Variants in RPS6KC1 observed in about 807,000 individuals in gnomAD.
RPS6KC1 encodes inactive ribosomal protein S6 kinase delta-1.
Under a neutral mutation model 103.8 loss-of-function variants are expected in RPS6KC1, and 54 were observed. The ratio of observed to expected loss-of-function variants is 0.52; its 90% CI spans 0.42 to 0.65. The LOEUF (loss-of-function observed/expected upper bound fraction) is 0.65, where lower values mean the gene tolerates loss of function less well. Among genes scored for constraint, RPS6KC1 ranks in the 30% least tolerant of loss-of-function variants. The pLI, the probability that RPS6KC1 is intolerant of heterozygous loss-of-function variation, is 0.00. For missense variants in RPS6KC1, 1,151 were observed against 1,253.8 expected (o/e 0.92, Z 1.24); for synonymous variants, 439 against 438.7 (o/e 1.00, Z -0.01).
chr1:213,430,357 T>C, the RPS6KC1 span, among the ~76,000 whole-genome samples: 4 of 152,218 alleles, frequency 2.6e-5, no homozygotes, highest in Non-Finnish European at 5.9e-5. Context: ...AGGTAGTTTT[T>C]CTTCAGGGTG....
the RPS6KC1 span, among the ~76,000 whole-genome samples, chr1:213,555,927 G>A: frequency 6.6e-6 from 1 of 152,108 alleles, no homozygotes. Flanking sequence ...CACCTCTGTG[G>A]CCAGAATGGG....
the RPS6KC1 span, among the ~76,000 whole-genome samples, chr1:213,437,332 T>G: frequency 2.9e-3 from 446 of 152,238 alleles, 2 homozygotes; most frequent in African/African-American, 0.01. Context: ...GTTCAAATTC[T>G]AAATTAACAC....
chr1:213,299,551 CAA>C, the RPS6KC1 span, among the ~76,000 whole-genome samples: 168 of 105,238 alleles, frequency 1.6e-3, 1 homozygote, highest in Middle Eastern at 6.2e-3. Flanking sequence ...GACTCCATCT[CAA>C]AAAAAAAAAA....
chr1:213,242,635 T>C lies in RPS6KC1; in HGVS notation c.2888T>C (p.Ile963Thr). The C allele has an allele frequency of 6.3e-7, 1 of 1,596,000 alleles. No homozygotes were observed. The highest frequency in any genetic ancestry group is 8.6e-7 in the Non-Finnish European group (1 of 1,169,426). ...GAAGATTCCTGTGACAGCGATGCCATAGAGAGAATGTACTGTGCCCCAGGT... is the reference window on the plus strand; with the variant it reads ...GAAGATTCCTGTGACAGCGATGCCACAGAGAGAATGTACTGTGCCCCAGGT... The part of the protein sequence containing the change: ...EVEDSCDSDA[I>T]ERMYCAPEVG... Residue 963 changes from isoleucine to threonine, a missense_variant, in exon 12 of 15, where the codon ATA (isoleucine) becomes ACA (threonine). Ile to Thr is a moderately conservative substitution (Grantham distance 89, BLOSUM62 -1). This residue lies in a region of RPS6KC1 where 189 missense variants were observed against 228.8 expected (regional missense o/e 0.83). Coordinates refer to ENST00000366960, the MANE Select transcript of RPS6KC1 (RefSeq NM_012424.6).
intron 6 of RPS6KC1, among the ~76,000 whole-genome samples, chr1:213,141,511 G>A (rs904394770): frequency 6.6e-6 from 1 of 151,652 alleles, no homozygotes; most frequent in African/African-American, 2.4e-5. Flanking sequence ...GTGTTTATTT[G>A]GATATTTTCC....
the RPS6KC1 span, among the ~76,000 whole-genome samples, chr1:213,804,187 A>C: frequency 4.0e-4 from 60 of 150,176 alleles, 1 homozygote; most frequent in South Asian, 6.3e-4. Flanking sequence ...AAAAAAAAAA[A>C]AAAAAAAAAA....
At chr1:213,463,677 A>T in the RPS6KC1 span, among the ~76,000 whole-genome samples, 5 of 152,184 alleles carry the variant, frequency 3.3e-5, no homozygotes, top group South Asian at 1.0e-3. Flanking sequence ...TGCCCTCAAG[A>T]GTTGGCCAAA....
At chr1:213,645,163 G>T in the RPS6KC1 span, among the ~76,000 whole-genome samples, 2 of 152,132 alleles carry the variant, frequency 1.3e-5, no homozygotes, top group African/African-American at 4.8e-5. Context: ...TAAACACAGT[G>T]CTGATGGTGA....
the RPS6KC1 span, among the ~76,000 whole-genome samples, chr1:213,857,487 G>T: frequency 2.0e-5 from 3 of 152,112 alleles, no homozygotes; most frequent in African/African-American, 7.2e-5. Context: ...GCAACCAGAC[G>T]GCAGATCATT....
At chr1:213,655,414 T>C in the RPS6KC1 span, among the ~76,000 whole-genome samples, 1 of 152,240 alleles carries the variant, frequency 6.6e-6, no homozygotes, top group African/African-American at 2.4e-5. Flanking sequence ...ATGTATTCAT[T>C]ACCTTGTGTT....
the RPS6KC1 span, among the ~76,000 whole-genome samples, chr1:213,607,114 G>A: frequency 1.3e-4 from 20 of 152,250 alleles, no homozygotes; most frequent in Admixed American, 5.2e-4. Flanking sequence ...TTTTCAGGAA[G>A]AATGAGGCAT....
chr1:213,772,569 G>T, the RPS6KC1 span, among the ~76,000 whole-genome samples: 1 of 151,958 alleles, frequency 6.6e-6, no homozygotes, highest in Non-Finnish European at 1.5e-5. Flanking sequence ...CGAGGTGACC[G>T]TGGAGGTTTC....
chr1:213,838,567 G>A, the RPS6KC1 span, among the ~76,000 whole-genome samples: 4 of 151,756 alleles, frequency 2.6e-5, no homozygotes, highest in Admixed American at 6.6e-5. Flanking sequence ...ACTACCTTCC[G>A]ATTTGTATTT....
chr1:213,545,421 A>T, the RPS6KC1 span, among the ~76,000 whole-genome samples: 1 of 77,172 alleles, frequency 1.3e-5, no homozygotes, highest in Non-Finnish European at 3.2e-5. Flanking sequence ...TAAATAAAAT[A>T]AAATAAAATA....
chr1:213,846,128 TAA>T, the RPS6KC1 span, among the ~76,000 whole-genome samples: 44 of 82,798 alleles, frequency 5.3e-4, no homozygotes, highest in Admixed American at 1.2e-3. Flanking sequence ...CCGTCTCAAC[TAA>T]AAAAAAAAAA....
intron 4 of RPS6KC1, among the ~76,000 whole-genome samples, chr1:213,113,152 T>A (rs1188856735): frequency 6.6e-6 from 1 of 152,136 alleles, no homozygotes; most frequent in East Asian, 1.9e-4. Context: ...ACTTCCACAA[T>A]GGTTGAACTA....
At chr1:213,397,156 C>T in the RPS6KC1 span, among the ~76,000 whole-genome samples, 28 of 152,144 alleles carry the variant, frequency 1.8e-4, no homozygotes, top group African/African-American at 5.8e-4. Context: ...CAGGTTCCCC[C>T]GTCCCACATC....
the RPS6KC1 span, among the ~76,000 whole-genome samples, chr1:213,282,024 C>G: frequency 6.6e-6 from 1 of 152,210 alleles, no homozygotes; most frequent in South Asian, 2.1e-4. Context: ...GGTCAGAATC[C>G]CTAGCCAGAC....
the RPS6KC1 span, among the ~76,000 whole-genome samples, chr1:213,490,675 C>A: frequency 6.6e-6 from 1 of 152,268 alleles, no homozygotes; most frequent in South Asian, 2.1e-4. Context: ...GGCTAGGATG[C>A]GTAGTTCAAG....
Sources: allele counts gnomAD v4.1 joint callset (sites outside exome capture counted in the v4.1 genomes callset), GRCh38; gene constraint gnomAD v4.1.1; regional missense constraint gnomAD v4.1.1; transcripts MANE v1.5; gene names NCBI Gene and HGNC (gene_info 2026-07-23, HGNC 2026-07-21).